The following CTNNA3 variants were observed in gnomAD, a reference collection of about 807,000 sequenced individuals.
The protein encoded by CTNNA3 is catenin alpha 3, also known as catenin alpha-3.
In CTNNA3, 76 loss-of-function variants were observed where a neutral mutation model predicts 95.7. The observed-to-expected ratio is 0.79, with a 90% confidence interval of 0.66 to 0.96. The LOEUF (loss-of-function observed/expected upper bound fraction) is 0.96, where lower values mean the gene tolerates loss of function less well. Among genes scored for constraint, CTNNA3 ranks in the 40% least tolerant of loss-of-function variants. The probability of loss-of-function intolerance (pLI) is 0.00; values close to 1 mark genes in which losing one functional copy is unlikely to be tolerated. For missense variants in CTNNA3, 1,191 were observed against 1,089.8 expected (o/e 1.09, Z -1.31); for synonymous variants, 431 against 374.4 (o/e 1.15, Z -1.74).
intron 7 of CTNNA3, among the ~76,000 whole-genome samples, chr10:66,795,736 A>AT (rs1841160060): frequency 6.6e-6 from 1 of 152,174 alleles, no homozygotes; most frequent in African/African-American, 2.4e-5. Flanking sequence ...CATTGAAAAT[A>AT]TGTTGTTAAG....
Position 66,775,543 on chromosome 10 carries a change from G to T in CTNNA3, c.1048-19C>A, listed in dbSNP as rs367593058. ...TTCCAGCCTGCAAAGAAGAAAAAAC[G>T]ACATAAGCAATGGTATCAATTAATC... On this transcript the variant is annotated intron_variant, in intron 7 of 17. Transcript: ENST00000433211. The T allele has an allele frequency of 2.6e-6, 4 of 1,550,050 alleles. No individual in the cohort carries two copies. Among genetic ancestry groups the T allele is most frequent in the African/African-American group, 1.4e-5 (1 of 73,068 alleles).
intron 11 of CTNNA3, among the ~76,000 whole-genome samples, chr10:66,508,926 G>C (rs115522415): frequency 0.01 from 1,590 of 152,176 alleles, 29 homozygotes; most frequent in African/African-American, 0.037. Flanking sequence ...TAGATCATAT[G>C]GAAGTCCTAT....
intron 9 of CTNNA3, among the ~76,000 whole-genome samples, chr10:66,753,257 C>T (rs950484494): frequency 2.6e-5 from 4 of 152,178 alleles, no homozygotes; most frequent in Admixed American, 2.6e-4. Context: ...GCTTTCTTCA[C>T]TGTTAGCCTT....
chr10:67,750,562 T>C (rs1173110295), intron 1 of CTNNA3: 1 of 1,578,706 alleles, frequency 6.3e-7, no homozygotes, highest in African/African-American at 1.3e-5. Flanking sequence ...GGAAAGCCTT[T>C]GAGAAGACCC....
chr10:66,449,211 G>A (rs1315307379), intron 11 of CTNNA3, among the ~76,000 whole-genome samples: 1 of 152,016 alleles, frequency 6.6e-6, no homozygotes, highest in Non-Finnish European at 1.5e-5. Context: ...TAAAGGTGCT[G>A]GGGGGACATT....
intron 12 of CTNNA3, among the ~76,000 whole-genome samples, chr10:66,361,562 G>A (rs891922849): frequency 6.1e-5 from 9 of 148,242 alleles, no homozygotes; most frequent in African/African-American, 2.2e-4. Context: ...TTTAGAGATA[G>A]GGTCTTGTTC....
At position 66,351,212 on chromosome 10, in the gene CTNNA3, C is replaced by T. The variant is rs2092564324; in HGVS notation, c.1732+27940G>A. Among the ~76,000 whole-genome samples, 2 of 151,978 alleles carry T rather than the reference C, an allele frequency of 1.3e-5. 1 individual carries two copies. Among genetic ancestry groups the T allele is most frequent in the South Asian group, 4.1e-4 (2 of 4,832 alleles). The stretch of plus-strand genomic sequence containing the variant: ...TCTGAGGATACAGTAATCATGACCA[C>T]TCCGGTGTCAATTACTGTGTATGGA... On this transcript the variant is annotated intron_variant, in intron 12 of 17. Coordinates refer to ENST00000433211, the MANE Select transcript of CTNNA3 (RefSeq NM_013266.4).
intron 5 of CTNNA3, among the ~76,000 whole-genome samples, chr10:67,419,593 A>G (rs1483168706): frequency 1.3e-5 from 2 of 152,150 alleles, no homozygotes; most frequent in Non-Finnish European, 2.9e-5. Flanking sequence ...TCTGTCATCA[A>G]TTACAAATAA....
intron 10 of CTNNA3, among the ~76,000 whole-genome samples, chr10:66,553,024 A>C (rs1477033895): frequency 1.3e-5 from 2 of 151,802 alleles, no homozygotes; most frequent in Admixed American, 6.6e-5. Flanking sequence ...CATGAAGTCT[A>C]TTTTCTCTGA....
intron 3 of CTNNA3, among the ~76,000 whole-genome samples, chr10:67,605,045 C>T (rs1035959065): frequency 4.6e-5 from 7 of 152,154 alleles, no homozygotes; most frequent in African/African-American, 1.7e-4. Context: ...GGGTATAACA[C>T]TGAAGTAAAG....
intron 5 of CTNNA3, among the ~76,000 whole-genome samples, chr10:67,322,312 A>G (rs1034624005): frequency 1.2e-4 from 19 of 152,012 alleles, no homozygotes; most frequent in Middle Eastern, 6.3e-3. Context: ...TGTAGAGATT[A>G]TTTCATCACC....
At chr10:67,289,043 T>C (rs1270259832) in intron 5 of CTNNA3, among the ~76,000 whole-genome samples, 2 of 152,210 alleles carry the variant, frequency 1.3e-5, no homozygotes, top group African/African-American at 4.8e-5. Context: ...TCACACATAA[T>C]ATATGTATTT....
intron 7 of CTNNA3, among the ~76,000 whole-genome samples, chr10:67,072,554 G>C (rs1421444412): frequency 1.3e-5 from 2 of 152,168 alleles, no homozygotes; most frequent in African/African-American, 2.4e-5. Flanking sequence ...ACAGAGGCTG[G>C]ACGTCTCAAG....
At position 66,927,351 on chromosome 10, in the gene CTNNA3, G is replaced by T; in HGVS notation, c.1048-151827C>A. The T allele has an allele frequency of 1.2e-6, 2 of 1,614,142 alleles. No individual in the cohort carries two copies. The highest frequency in any genetic ancestry group is 1.7e-6 in the Non-Finnish European group (2 of 1,180,036). On this transcript the variant is annotated intron_variant, in intron 7 of 17. Coordinates refer to ENST00000433211, the MANE Select transcript of CTNNA3 (RefSeq NM_013266.4). This position sits in a 1 kb window ranked among gnomAD's most constrained non-coding sequence, Gnocchi z 4.7. ...ACTTGGATCTGTCCTATAATCAGCT[G>T]CATTCTCTGGGATCTGAACAGTTTC...
At chr10:66,584,235 T>C (rs1185591683) in intron 10 of CTNNA3, among the ~76,000 whole-genome samples, 1 of 151,904 alleles carries the variant, frequency 6.6e-6, no homozygotes, top group East Asian at 1.9e-4. Context: ...GTTTCTTTGT[T>C]GACTTTCTGC....
At chr10:65,991,018 A>G (rs1349302984) in intron 15 of CTNNA3, among the ~76,000 whole-genome samples, 3 of 152,102 alleles carry the variant, frequency 2.0e-5, no homozygotes, top group Non-Finnish European at 4.4e-5. Context: ...TTGAAGAGCC[A>G]TCCTTTCCCC....
intron 9 of CTNNA3, among the ~76,000 whole-genome samples, chr10:66,668,419 C>CATAT (rs199638135): frequency 8.3e-6 from 1 of 120,604 alleles, no homozygotes; most frequent in African/African-American, 2.9e-5. Flanking sequence ...TCTCAACTCT[C>CATAT]ATATGTGTGT....
At chr10:67,063,180 C>G (rs1855860954) in intron 7 of CTNNA3, among the ~76,000 whole-genome samples, 1 of 152,080 alleles carries the variant, frequency 6.6e-6, no homozygotes, top group Non-Finnish European at 1.5e-5. Context: ...AAAACAGTTA[C>G]CAAGTATGGA....
chr10:67,679,066 T>C (rs1378407551), intron 1 of CTNNA3, among the ~76,000 whole-genome samples: 1 of 152,150 alleles, frequency 6.6e-6, no homozygotes, highest in African/African-American at 2.4e-5. Context: ...GTACCAACAA[T>C]CTTGAGATGA....
Sources: allele counts gnomAD v4.1 joint callset (sites outside exome capture counted in the v4.1 genomes callset), GRCh38; gene constraint gnomAD v4.1.1; non-coding constraint Gnocchi (gnomAD v3.1); transcripts MANE v1.5; gene names NCBI Gene and HGNC (gene_info 2026-07-23, HGNC 2026-07-21).